CNTN4: variants seen among roughly 807,000 people sequenced by gnomAD.
CNTN4 encodes contactin 4, also known as contactin-4.
Under a neutral mutation model 122.5 loss-of-function variants are expected in CNTN4, and 77 were observed. That is an observed-to-expected ratio of 0.63 (90% CI 0.52 to 0.76). The LOEUF is 0.76. Ranked by LOEUF, CNTN4 falls within the 30% of genes least tolerant of loss-of-function variation. The pLI is 0.00. For missense variants in CNTN4, 1,256 were observed against 1,259.1 expected, an observed-to-expected ratio of 1.00 and a Z score of 0.04; for synonymous variants, 512 against 447.0, an observed-to-expected ratio of 1.15 and a Z score of -1.83.
intron 2 of CNTN4, among the ~76,000 whole-genome samples, chr3:2,244,374 T>C (rs76868563): frequency 0.099 from 15,121 of 152,066 alleles, 895 homozygotes; most frequent in Middle Eastern, 0.16. Context: ...GCTGTATGTG[T>C]TGTAGAGCTG....
At chr3:2,164,956 A>G (rs2036133052) in intron 2 of CNTN4, among the ~76,000 whole-genome samples, 2 of 152,318 alleles carry the variant, frequency 1.3e-5, no homozygotes, top group East Asian at 1.9e-4. Context: ...ATAGGTCACA[A>G]TATGAGAAGG....
chr3:2,454,055 A>G (rs986769396), intron 3 of CNTN4, among the ~76,000 whole-genome samples: 3 of 145,272 alleles, frequency 2.1e-5, no homozygotes, highest in Non-Finnish European at 4.5e-5. Flanking sequence ...AATCAGCCCC[A>G]TATTATAAGC....
At chr3:3,008,629 C>G (rs1157329475) in intron 14 of CNTN4, among the ~76,000 whole-genome samples, 1 of 152,124 alleles carries the variant, frequency 6.6e-6, no homozygotes, top group Non-Finnish European at 1.5e-5. Context: ...TAAGTCGTTC[C>G]GTGTCTAAGA....
chr3:2,668,518 T>C (rs1032424592), intron 4 of CNTN4, among the ~76,000 whole-genome samples: 3 of 152,238 alleles, frequency 2.0e-5, no homozygotes, highest in African/African-American at 7.2e-5. Context: ...TTTCTAGATA[T>C]ACAATCAGGT....
chr3:2,653,162 CT>C (rs1367844923), intron 4 of CNTN4, among the ~76,000 whole-genome samples: 1 of 151,870 alleles, frequency 6.6e-6, no homozygotes, highest in Admixed American at 6.6e-5. Flanking sequence ...CATGTGAAAG[CT>C]TTTTTAAAAA....
chr3:2,455,089 G>C (rs925472648), intron 3 of CNTN4, among the ~76,000 whole-genome samples: 1 of 152,128 alleles, frequency 6.6e-6, no homozygotes, highest in African/African-American at 2.4e-5. Context: ...ACTAATCATC[G>C]CTGGATTGCT....
At chr3:2,892,047 C>T (rs546066658) in intron 10 of CNTN4, among the ~76,000 whole-genome samples, 2 of 152,258 alleles carry the variant, frequency 1.3e-5, no homozygotes, top group East Asian at 3.9e-4. Flanking sequence ...CTACATCTGT[C>T]TAGTTTATAG....
intron 4 of CNTN4, among the ~76,000 whole-genome samples, chr3:2,625,722 C>T (rs1320672835): frequency 6.6e-6 from 1 of 152,142 alleles, no homozygotes; most frequent in Non-Finnish European, 1.5e-5. Flanking sequence ...CTATAATTTG[C>T]TATCCACTTA....
intron 12 of CNTN4, among the ~76,000 whole-genome samples, chr3:2,906,163 G>A (rs2094229233): frequency 6.6e-6 from 1 of 152,088 alleles, no homozygotes; most frequent in African/African-American, 2.4e-5. Context: ...GTAGAATGCT[G>A]GTTGTCAGGG....
intron 3 of CNTN4, among the ~76,000 whole-genome samples, chr3:2,549,150 A>G (rs536816202): frequency 2.6e-5 from 4 of 152,254 alleles, no homozygotes; most frequent in Admixed American, 6.5e-5. Flanking sequence ...CTGCAAACAG[A>G]GACAATTTGA....
At chr3:2,220,235 C>T (rs1164213278) in intron 2 of CNTN4, among the ~76,000 whole-genome samples, 3 of 152,136 alleles carry the variant, frequency 2.0e-5, no homozygotes, top group East Asian at 1.9e-4. Context: ...TGGAATTACA[C>T]TCTCCCTTCA....
At position 2,771,950 on chromosome 3, in the gene CNTN4, G is replaced by C. The variant is rs143699734; in HGVS notation, c.358+26253G>C. On this transcript the variant is annotated intron_variant, in intron 6 of 24. Coordinates refer to ENST00000418658, the MANE Select transcript of CNTN4 (RefSeq NM_175607.3). ...GCTGGCAGGGTGTTTCATGCGACAA[G>C]AACAGCAAAGCCTGAATCTTCATGG... is the stretch of plus-strand genomic sequence containing the variant. Among the ~76,000 whole-genome samples, 332 of 152,238 alleles carry C rather than the reference G, an allele frequency of 2.2e-3. 1 individual carries two copies. The highest frequency in any genetic ancestry group is 0.017 in the Middle Eastern group (5 of 294).
intron 18 of CNTN4, 32 bp from the exon 19 acceptor site, chr3:3,038,901 T>C: frequency 1.1e-5 from 18 of 1,607,322 alleles, no homozygotes; most frequent in Non-Finnish European, 1.4e-5. Flanking sequence ...CTTTGCCGCC[T>C]GACATAACTT....
intron 3 of CNTN4, among the ~76,000 whole-genome samples, chr3:2,548,418 T>C (rs1466102950): frequency 6.6e-6 from 1 of 152,188 alleles, no homozygotes; most frequent in Non-Finnish European, 1.5e-5. Context: ...CCAATACCAT[T>C]TATTAAATAG....
At chr3:3,002,208 T>G (rs1332173266) in intron 14 of CNTN4, among the ~76,000 whole-genome samples, 1 of 152,158 alleles carries the variant, frequency 6.6e-6, no homozygotes. Flanking sequence ...ATTCGACCAG[T>G]GTGTTTGAAT....
intron 4 of CNTN4, among the ~76,000 whole-genome samples, chr3:2,638,227 C>G (rs967309249): frequency 6.6e-6 from 1 of 152,140 alleles, no homozygotes; most frequent in African/African-American, 2.4e-5. Flanking sequence ...TGTGCAGATT[C>G]TTTAAACCTG....
At chr3:2,691,408 G>A (rs1375994236) in intron 4 of CNTN4, among the ~76,000 whole-genome samples, 1 of 152,124 alleles carries the variant, frequency 6.6e-6, no homozygotes, top group East Asian at 1.9e-4. Context: ...AGAGGAAGAG[G>A]AGGGTAGAGG....
intron 2 of CNTN4, among the ~76,000 whole-genome samples, chr3:2,237,552 T>G (rs1170303062): frequency 6.6e-6 from 1 of 152,170 alleles, no homozygotes; most frequent in African/African-American, 2.4e-5. Flanking sequence ...GAGAGGGATT[T>G]CTAAATCTTG....
At chr3:3,042,612 A>G (rs1235933762) in intron 21 of CNTN4, among the ~76,000 whole-genome samples, 190 bp downstream of exon 21, 1 of 152,172 alleles carries the variant, frequency 6.6e-6, no homozygotes, top group Non-Finnish European at 1.5e-5. Context: ...TCTATGTTAT[A>G]TTCTAGAGGT....
Sources: allele counts gnomAD v4.1 joint callset (sites outside exome capture counted in the v4.1 genomes callset), GRCh38; gene constraint gnomAD v4.1.1; transcripts MANE v1.5; gene names NCBI Gene and HGNC (gene_info 2026-07-23, HGNC 2026-07-21).